The following DSCAM variants were observed in gnomAD, a reference collection of about 807,000 sequenced individuals.
DSCAM encodes the protein cell adhesion molecule DSCAM.
A neutral mutation model predicts 217.7 loss-of-function variants in DSCAM; 47 were observed. The observed-to-expected ratio is 0.22, with a 90% CI of 0.17 to 0.28. The LOEUF is 0.28. DSCAM is among the 10% of genes least tolerant of loss of function. DSCAM has a pLI of 1.00. For missense variants in DSCAM, 2,080 were observed against 2,618.3 expected (o/e 0.79, Z 4.49); for synonymous variants, 1,056 against 1,015.3 (o/e 1.04, Z -0.76).
chr21:40,279,368 G>GA (rs34813080), intron 10 of DSCAM, among the ~76,000 whole-genome samples: 55,595 of 151,968 alleles, frequency 0.37, 10,390 homozygotes, highest in Admixed American at 0.42. Flanking sequence ...AGAAACATAT[G>GA]AAAAAAAGCT....
At chr21:40,073,099 G>C (rs1419838798) in intron 27 of DSCAM, among the ~76,000 whole-genome samples, 4 of 152,192 alleles carry the variant, frequency 2.6e-5, no homozygotes, top group African/African-American at 9.6e-5. Flanking sequence ...CACTCAGTAA[G>C]AGCCCACAGC....
In DSCAM at chr21:40,078,957, G is replaced by T. The variant is rs2146555924; in HGVS notation, c.4441C>A (p.Gln1481Lys). 1 of 1,614,036 alleles carries T rather than the reference G, an allele frequency of 6.2e-7. No individual in the cohort carries two copies. The highest frequency in any genetic ancestry group is 2.2e-5 in the East Asian group (1 of 44,874). ...LGKEPQFSKE[Q>K]ELFASINTTR... ...GTGTTGATGCTGGCAAACAGCTCCTGCTCCTTTGAGAACTGGGGCTCTGGG... is the reference window on the plus strand; with the variant it reads ...GTGTTGATGCTGGCAAACAGCTCCTTCTCCTTTGAGAACTGGGGCTCTGGG... The change falls in exon 26 of 33, where the codon CAG becomes AAG. Residue 1481 changes from glutamine (Q) to lysine (K), a missense_variant. Gln to Lys is a moderately conservative substitution (Grantham distance 53, BLOSUM62 1). Coordinates refer to ENST00000400454, the MANE Select transcript of DSCAM (RefSeq NM_001389.5).
chr21:40,030,171 T>C (rs1026345852), intron 32 of DSCAM, among the ~76,000 whole-genome samples: 1 of 152,216 alleles, frequency 6.6e-6, no homozygotes, highest in Non-Finnish European at 1.5e-5. Flanking sequence ...TCCACCCTTC[T>C]AGAGGAAGGC....
chr21:40,532,205 T>C (rs2076452332), intron 3 of DSCAM, among the ~76,000 whole-genome samples: 1 of 152,148 alleles, frequency 6.6e-6, no homozygotes. Context: ...TACAAAGAAA[T>C]TCCTTTAAAA....
In DSCAM at chr21:40,577,311, A is replaced by G. The variant is rs372866200; in HGVS notation, c.508+115499T>C. On this transcript the variant is annotated intron_variant, in intron 3 of 32. Transcript: ENST00000400454. ...GCTTCCCTCTTACCAGAACCAGAAC[A>G]AAGTCAAATCTGACCTACCTGACCC... 3.8e-4 allele frequency among the ~76,000 whole-genome samples: 57 copies of G among 151,350 alleles called. No individual in the cohort carries two copies. In the East Asian group the frequency reaches 8.6e-3, roughly 23 times the overall value.
chr21:40,029,779 T>A (rs1437269494), intron 32 of DSCAM, among the ~76,000 whole-genome samples: 2 of 152,146 alleles, frequency 1.3e-5, no homozygotes, highest in Non-Finnish European at 2.9e-5. Context: ...AGCAGTCCAA[T>A]CTTCAGAGCT....
intron 3 of DSCAM, among the ~76,000 whole-genome samples, chr21:40,664,448 G>A (rs1448021234): frequency 6.6e-6 from 1 of 152,194 alleles, no homozygotes; most frequent in African/African-American, 2.4e-5. Context: ...GGAGAGGACC[G>A]ACAGGAGAGG....
At chr21:40,340,043 G>A (rs576416431) in intron 6 of DSCAM, among the ~76,000 whole-genome samples, 3 of 152,146 alleles carry the variant, frequency 2.0e-5, no homozygotes, top group East Asian at 1.9e-4. Flanking sequence ...TCTGAGAATG[G>A]GTAGAAGCTA....
chr21:40,493,962 T>A (rs2076097537), intron 3 of DSCAM, among the ~76,000 whole-genome samples: 2 of 151,098 alleles, frequency 1.3e-5, no homozygotes, highest in African/African-American at 2.4e-5. Context: ...AGTTATGTCA[T>A]TAGTAGCTTA....
chr21:40,756,462 G>T (rs1423662871), intron 1 of DSCAM, among the ~76,000 whole-genome samples: 2 of 152,134 alleles, frequency 1.3e-5, no homozygotes, highest in African/African-American at 4.8e-5. Context: ...CATGATCTCG[G>T]TTCATTGCAA....
At chr21:40,713,200 C>T (rs1360991116) in intron 1 of DSCAM, among the ~76,000 whole-genome samples, 4 of 152,192 alleles carry the variant, frequency 2.6e-5, no homozygotes, top group Admixed American at 2.6e-4. Flanking sequence ...GAGGGTCACT[C>T]TGGCTGTTAG....
intron 20 of DSCAM, among the ~76,000 whole-genome samples, chr21:40,112,978 AC>A (rs1224751652): frequency 6.6e-6 from 1 of 152,238 alleles, no homozygotes; most frequent in East Asian, 1.9e-4. Context: ...GCCAAATTCT[AC>A]CAGAGGTACA....
intron 10 of DSCAM, 49 bp from the exon 11 acceptor site, chr21:40,276,319 T>C: frequency 1.3e-6 from 2 of 1,526,252 alleles, no homozygotes; most frequent in Middle Eastern, 2.1e-4. Context: ...AGAGTAAGTA[T>C]GGGAAGACAA....
At chr21:40,593,258 T>C (rs900799888) in intron 3 of DSCAM, among the ~76,000 whole-genome samples, 1 of 152,194 alleles carries the variant, frequency 6.6e-6, no homozygotes, top group Non-Finnish European at 1.5e-5. Context: ...CCTAGACTTA[T>C]GTCATGGTTT....
chr21:40,768,609 A>G (rs1373357618), intron 1 of DSCAM, among the ~76,000 whole-genome samples: 2 of 152,006 alleles, frequency 1.3e-5, no homozygotes, highest in African/African-American at 4.8e-5. Context: ...CACAATTCCC[A>G]TTTCCAGGTG....
chr21:40,014,392 CAAAA>C (rs1902520654), intron 32 of DSCAM, among the ~76,000 whole-genome samples: 1 of 151,846 alleles, frequency 6.6e-6, no homozygotes, highest in Non-Finnish European at 1.5e-5. Context: ...TCAAACAAAA[CAAAA>C]CAAAACAAAA....
intron 1 of DSCAM, among the ~76,000 whole-genome samples, chr21:40,752,243 C>T (rs1170418887): frequency 6.6e-6 from 1 of 152,166 alleles, no homozygotes; most frequent in African/African-American, 2.4e-5. Flanking sequence ...ATGGGTGCTT[C>T]CTTTCTGCTG....
At position 40,321,755 on chromosome 21, in the gene DSCAM, G is replaced by A. The variant is rs182270050; in HGVS notation, c.1784-9396C>T. Reference sequence around the variant, plus strand: ...ATTCAGCAGGATGTGCTAACTCTCCGAGGCCTGGTCCTCTCTGTGCAGATG... The same window carrying A: ...ATTCAGCAGGATGTGCTAACTCTCCAAGGCCTGGTCCTCTCTGTGCAGATG... On this transcript the variant is annotated intron_variant, in intron 8 of 32. Coordinates refer to ENST00000400454, the MANE Select transcript of DSCAM (RefSeq NM_001389.5). Among the ~76,000 whole-genome samples, 10 of 151,902 alleles carry A rather than the reference G, an allele frequency of 6.6e-5. No individual in the cohort carries two copies. In the East Asian group the frequency reaches 1.4e-3, roughly 21 times the overall value.
intron 3 of DSCAM, among the ~76,000 whole-genome samples, chr21:40,597,341 A>T (rs1568928805): frequency 6.6e-6 from 1 of 150,498 alleles, no homozygotes; most frequent in Non-Finnish European, 1.5e-5. Flanking sequence ...TTGGGAAAAT[A>T]TCTTCTTCAA....
Sources: allele counts gnomAD v4.1 joint callset (sites outside exome capture counted in the v4.1 genomes callset), GRCh38; gene constraint gnomAD v4.1.1; transcripts MANE v1.5; gene names NCBI Gene and HGNC (gene_info 2026-07-23, HGNC 2026-07-21).